The following DNAH10 variants were observed in gnomAD, a reference collection of about 807,000 sequenced individuals.
DNAH10 encodes dynein axonemal heavy chain 10.
DNAH10 carries 348 observed loss-of-function variants against 506.6 expected under a neutral mutation model. The observed-to-expected ratio is 0.69, with a 90% CI of 0.63 to 0.75. The LOEUF is 0.75. DNAH10 is among the 30% of genes least tolerant of loss of function. The probability of loss-of-function intolerance (pLI) is 0.00; values close to 1 mark genes in which losing one functional copy is unlikely to be tolerated. For missense variants in DNAH10, 5,179 were observed against 5,787.1 expected, an observed-to-expected ratio of 0.89 and a Z score of 3.41; for synonymous variants, 2,059 against 2,198.6, an observed-to-expected ratio of 0.94 and a Z score of 1.78.
chr12:123,774,549 A>G (rs1050303924), intron 5 of DNAH10, among the ~76,000 whole-genome samples: 2 of 152,220 alleles, frequency 1.3e-5, no homozygotes, highest in Non-Finnish European at 2.9e-5. Flanking sequence ...TTAACAGCAA[A>G]CCAGTCATTA....
At position 123,825,881 on chromosome 12, in the gene DNAH10, G is replaced by A. The variant is rs1959931973; in HGVS notation, c.4180-806G>A. Among the ~76,000 whole-genome samples the A allele has an allele frequency of 2.6e-5, 4 of 152,258 alleles. No individual in the cohort carries two copies. In the South Asian group the frequency reaches 8.3e-4, roughly 32 times the overall value. On this transcript the variant is annotated intron_variant, in intron 24 of 78. Coordinates refer to ENST00000673944, the MANE Select transcript of DNAH10 (RefSeq NM_001372106.1). ...CTCATGCCTGTAATCCCAGCACTTG[G>A]AGGCTAAGGCAGGAGGATTGCTTGA...
At chr12:123,823,807 A>G (rs984197032) in intron 24 of DNAH10, among the ~76,000 whole-genome samples, 15 of 152,256 alleles carry the variant, frequency 9.9e-5, no homozygotes, top group African/African-American at 2.9e-4. Context: ...TTTATTGACT[A>G]TAGTCACCCT....
chr12:123,791,919 T>C (rs2136225857), intron 11 of DNAH10, among the ~76,000 whole-genome samples: 1 of 152,296 alleles, frequency 6.6e-6, no homozygotes, highest in African/African-American at 2.4e-5. Flanking sequence ...CTTAACTCCT[T>C]CCTCATTCTT....
intron 52 of DNAH10, among the ~76,000 whole-genome samples, chr12:123,888,303 C>T (rs1042267897): frequency 8.5e-5 from 13 of 152,202 alleles, no homozygotes; most frequent in African/African-American, 2.7e-4. Flanking sequence ...GAAACTGAGG[C>T]CCCTGTAGAG....
intron 17 of DNAH10, 113 bp from the exon 18 acceptor site, chr12:123,804,720 G>T: frequency 1.1e-6 from 1 of 949,618 alleles, no homozygotes; most frequent in South Asian, 1.6e-5. Flanking sequence ...TTGGGCTGAG[G>T]TTGGAGGCTG....
chr12:123,784,631 C>G (rs1957783018), intron 8 of DNAH10, among the ~76,000 whole-genome samples: 2 of 152,214 alleles, frequency 1.3e-5, no homozygotes. Flanking sequence ...GCATACAGTT[C>G]AGTGGCACTA....
rs757059758 is a variant in DNAH10, at chr12:123,897,957, G to A, written c.9468G>A (p.Gln3156=). Residue 3156 remains glutamine, a synonymous_variant, in exon 55 of 79, where the codon CAG becomes CAA. Transcript: ENST00000673944. ...TYSKLLDEKT[Q]CNIAQCKRLD... The stretch of plus-strand genomic sequence containing the variant: ...CAAAATTGCTGGATGAGAAAACTCA[G>A]TGTAATATAGGTAAGCCTTGGGGAT... 4.4e-6 allele frequency: 7 copies of A among 1,589,816 alleles called. No homozygotes were observed. In the Admixed American group the frequency reaches 9.3e-5, roughly 21 times the overall value.
chr12:123,868,910 A>T (rs1951916399), intron 43 of DNAH10, among the ~76,000 whole-genome samples: 1 of 152,116 alleles, frequency 6.6e-6, no homozygotes, highest in African/African-American at 2.4e-5. Context: ...CCCTTTGGGG[A>T]GTGCTTTTCA....
chr12:123,859,254 T>C lies in DNAH10; in HGVS notation c.6735T>C (p.Cys2245=), dbSNP rs940736235. 6.2e-7 allele frequency: 1 copy of C among 1,607,786 alleles called. No individual in the cohort carries two copies. Among genetic ancestry groups the C allele is most frequent in the African/African-American group, 1.3e-5 (1 of 74,750 alleles). ...GGKSVVINTL[C]QAQTKLGLTT... ...AGTCCGTCGTCATTAACACTCTGTG[T>C]CAGGCCCAGACCAAGTGAGTATGAC... Residue 2245 remains cysteine, a synonymous_variant, in exon 38 of 79, where the codon TGT becomes TGC. Coordinates refer to ENST00000673944, the MANE Select transcript of DNAH10 (RefSeq NM_001372106.1).
chr12:123,868,583 T>C (rs1951903431), intron 43 of DNAH10, among the ~76,000 whole-genome samples: 1 of 152,258 alleles, frequency 6.6e-6, no homozygotes, highest in Non-Finnish European at 1.5e-5. Context: ...AATCATACAA[T>C]TAACATTTTA....
At position 123,910,571 on chromosome 12, in the gene DNAH10, A is replaced by C. The variant is rs768851077; in HGVS notation, c.10033A>C (p.Met3345Leu). The C allele has an allele frequency of 6.2e-7, 1 of 1,613,716 alleles. No individual in the cohort carries two copies. ...LKTLNTTTEE[M>L]EAVSKAGLGM... Reference sequence around the variant, plus strand: ...GACTCTTAATACCACAACTGAAGAAATGGAAGCTGTCAGCAAAGCCGGGCT... The same window carrying C: ...GACTCTTAATACCACAACTGAAGAACTGGAAGCTGTCAGCAAAGCCGGGCT... The change falls in exon 59 of 79, where the codon ATG becomes CTG. Residue 3345 changes from methionine (M) to leucine (L), a missense_variant. Transcript: ENST00000673944.
intron 16 of DNAH10, among the ~76,000 whole-genome samples, chr12:123,802,619 G>A (rs1958516167): frequency 6.6e-6 from 1 of 151,352 alleles, no homozygotes; most frequent in Admixed American, 6.6e-5. Context: ...TTTTGTTTTT[G>A]TTTTTGTTTT....
intron 62 of DNAH10, 97 bp downstream of exon 62, chr12:123,915,096 C>G: frequency 7.1e-7 from 1 of 1,405,700 alleles, no homozygotes; most frequent in Non-Finnish European, 9.4e-7. Context: ...CTAGCCTCAG[C>G]GAGGCTGGGC....
intron 44 of DNAH10, 148 bp downstream of exon 44, chr12:123,870,633 G>T (rs1951992860): frequency 1.7e-6 from 2 of 1,207,116 alleles, no homozygotes; most frequent in South Asian, 3.4e-5. Flanking sequence ...TGAGCTGTGG[G>T]CCCTCCTGGG....
At chr12:123,910,400 T>C in intron 58 of DNAH10, 136 bp from the exon 59 acceptor site, 2 of 1,149,738 alleles carry the variant, frequency 1.7e-6, no homozygotes, top group Non-Finnish European at 2.5e-6. Flanking sequence ...ACCACGCTGT[T>C]GGCCGTAGGA....
At chr12:123,774,659 A>G (rs1210228354) in intron 5 of DNAH10, among the ~76,000 whole-genome samples, 2 of 152,270 alleles carry the variant, frequency 1.3e-5, no homozygotes, top group East Asian at 3.8e-4. Flanking sequence ...TAACTGCAGC[A>G]GGAGCATGTC....
Position 123,926,361 on chromosome 12 carries a change from A to T in DNAH10, c.11922-276A>T. ...AGGGTTTTGTGCCATGGGCAGGCCC[A>T]CCTAGAGGGCAAGCTGAGGTGCCCA... On this transcript the variant is annotated intron_variant, in intron 68 of 78. Transcript: ENST00000673944. This position sits in a 1 kb window ranked among gnomAD's most constrained non-coding sequence, Gnocchi z 4.1. The T allele has an allele frequency of 2.4e-6, 1 of 414,358 alleles. No individual in the cohort carries two copies. Among genetic ancestry groups the T allele is most frequent in the South Asian group, 7.1e-5 (1 of 14,108 alleles). The allele number at this position is 414,358 out of a possible 1,614,324, so 25.7% of individuals were successfully genotyped here. A position where few individuals can be genotyped will look rare whatever the true frequency, so the allele number is the denominator to read the frequency against.
intron 15 of DNAH10, 109 bp downstream of exon 15, chr12:123,800,497 T>G: frequency 9.3e-7 from 1 of 1,080,414 alleles, no homozygotes; most frequent in Non-Finnish European, 1.3e-6. Context: ...TTTTGTGGAT[T>G]TTATAATTAT....
At chr12:123,924,011 T>TG in intron 66 of DNAH10, 144 bp downstream of exon 66, 1 of 739,348 alleles carries the variant, frequency 1.4e-6, no homozygotes, top group Admixed American at 3.0e-5. Context: ...CTATTCCAGT[T>TG]GATCATTCCA....
Sources: allele counts gnomAD v4.1 joint callset (sites outside exome capture counted in the v4.1 genomes callset), GRCh38; gene constraint gnomAD v4.1.1; non-coding constraint Gnocchi (gnomAD v3.1); transcripts MANE v1.5; gene names NCBI Gene and HGNC (gene_info 2026-07-23, HGNC 2026-07-21).